PIBF1: variants seen among roughly 807,000 people sequenced by gnomAD.
PIBF1 encodes the protein progesterone-induced-blocking factor 1.
Under a neutral mutation model 112.5 loss-of-function variants are expected in PIBF1, and 90 were observed. The observed-to-expected ratio is 0.80, with a 90% CI of 0.67 to 0.95. The LOEUF (loss-of-function observed/expected upper bound fraction) is 0.95, where lower values mean the gene tolerates loss of function less well. Ranked by LOEUF, PIBF1 falls within the 40% of genes least tolerant of loss-of-function variation. The probability of loss-of-function intolerance (pLI) is 0.00; values close to 1 mark genes in which losing one functional copy is unlikely to be tolerated. For missense variants in PIBF1, 915 were observed against 852.3 expected (o/e 1.07, Z -0.92); for synonymous variants, 301 against 288.6 (o/e 1.04, Z -0.44).
intron 14 of PIBF1, among the ~76,000 whole-genome samples, chr13:72,957,988 G>T (rs1018025310): frequency 6.6e-6 from 1 of 151,670 alleles, no homozygotes; most frequent in Non-Finnish European, 1.5e-5. Flanking sequence ...AAAACAATTA[G>T]CCAGTTGTTG....
At chr13:72,901,090 C>T (rs1276440423) in intron 11 of PIBF1, 11 of 447,576 alleles carry the variant, frequency 2.5e-5, no homozygotes, top group African/African-American at 6.1e-5. Flanking sequence ...AAAGAGCTTT[C>T]GCACAGCAAA....
intron 5 of PIBF1, among the ~76,000 whole-genome samples, chr13:72,809,189 G>A (rs1342357756): frequency 1.7e-5 from 2 of 115,294 alleles, no homozygotes; most frequent in African/African-American, 6.7e-5. Flanking sequence ...TGGAAAATGT[G>A]ATTATTTTTG....
chr13:72,940,586 T>A (rs2041985237), intron 14 of PIBF1, among the ~76,000 whole-genome samples: 1 of 152,224 alleles, frequency 6.6e-6, no homozygotes, highest in South Asian at 2.1e-4. Flanking sequence ...TTGTAAATTT[T>A]ACCTTGATGC....
intron 9 of PIBF1, chr13:72,836,161 T>C (rs1338823797): frequency 2.3e-6 from 1 of 443,820 alleles, no homozygotes; most frequent in East Asian, 7.0e-5. Context: ...GATCAGTAAA[T>C]ATTAGGCTCA....
chr13:72,931,298 A>C (rs1566462606), intron 14 of PIBF1, 31 bp downstream of exon 14: 1 of 1,239,850 alleles, frequency 8.1e-7, no homozygotes, highest in Non-Finnish European at 1.2e-6. Flanking sequence ...CATATGAAGA[A>C]TCACAGTATT....
At chr13:72,903,445 C>G (rs1183903142) in intron 11 of PIBF1, among the ~76,000 whole-genome samples, 2 of 152,120 alleles carry the variant, frequency 1.3e-5, no homozygotes, top group Non-Finnish European at 2.9e-5. Flanking sequence ...CTTCAGGAAA[C>G]TAAGAATTTT....
chr13:72,785,576 C>A (rs374023335), intron 2 of PIBF1, among the ~76,000 whole-genome samples: 4 of 152,194 alleles, frequency 2.6e-5, no homozygotes, highest in African/African-American at 2.4e-5. Flanking sequence ...CAAACACTTT[C>A]TTTTAGGTAC....
intron 10 of PIBF1, among the ~76,000 whole-genome samples, chr13:72,875,102 A>G (rs996045992): frequency 7.9e-5 from 12 of 152,168 alleles, no homozygotes; most frequent in African/African-American, 2.4e-4. Context: ...TTTCATTACT[A>G]TATTATTTTA....
intron 16 of PIBF1, among the ~76,000 whole-genome samples, chr13:72,986,735 C>G (rs1318509256): frequency 7.3e-6 from 1 of 136,858 alleles, no homozygotes; most frequent in South Asian, 2.3e-4. Context: ...CCAGGCCGGA[C>G]TGCGGACTGC....
intron 16 of PIBF1, among the ~76,000 whole-genome samples, chr13:72,974,814 C>CCCAGGAA (rs1295022085): frequency 6.6e-6 from 1 of 152,194 alleles, no homozygotes; most frequent in African/African-American, 2.4e-5. Flanking sequence ...TGGGTAAATA[C>CCCAGGAA]CCAGGAACAT....
At chr13:72,927,121 G>A (rs1465244893) in intron 13 of PIBF1, among the ~76,000 whole-genome samples, 1 of 151,388 alleles carries the variant, frequency 6.6e-6, no homozygotes, top group Non-Finnish European at 1.5e-5. Flanking sequence ...TAGTGCAGTG[G>A]CACGATCTTG....
chr13:72,900,907 A>T (rs2040458828), intron 11 of PIBF1, among the ~76,000 whole-genome samples: 1 of 152,230 alleles, frequency 6.6e-6, no homozygotes, highest in South Asian at 2.1e-4. Context: ...CTGTAATCCC[A>T]GCTACTGGGG....
chr13:72,869,632 T>A (rs1004771302), intron 10 of PIBF1, among the ~76,000 whole-genome samples: 10 of 151,220 alleles, frequency 6.6e-5, no homozygotes, highest in East Asian at 5.8e-4. Flanking sequence ...TAATAAAAAA[T>A]AAATAATAAA....
chr13:72,834,144 A>G (rs1023263749), intron 8 of PIBF1, among the ~76,000 whole-genome samples: 1 of 152,192 alleles, frequency 6.6e-6, no homozygotes, highest in African/African-American at 2.4e-5. Flanking sequence ...TCAGTATGCT[A>G]ACGATTTCCT....
Position 72,877,316 on chromosome 13 carries a change from A to C in PIBF1, c.1323-16468A>C, listed in dbSNP as rs539446839. 5.3e-5 allele frequency among the ~76,000 whole-genome samples: 8 copies of C among 152,222 alleles called. No homozygotes were observed. In the East Asian group the frequency reaches 1.5e-3, roughly 29 times the overall value. On this transcript the variant is annotated intron_variant, in intron 10 of 17. Coordinates refer to ENST00000326291, the MANE Select transcript of PIBF1 (RefSeq NM_006346.4). ...TGTTGAGGGTTTTTGCATCTATATT[A>C]ATGAGAGATGTTGGTCTCTTGGTTT... is the stretch of plus-strand genomic sequence containing the variant.
At chr13:72,793,847 G>T (rs527249758) in intron 3 of PIBF1, among the ~76,000 whole-genome samples, 1 of 152,314 alleles carries the variant, frequency 6.6e-6, no homozygotes, top group African/African-American at 2.4e-5. Flanking sequence ...GGTTTTGTGA[G>T]TAAAAAGCCT....
At chr13:72,895,196 G>A (rs994623954) in intron 11 of PIBF1, among the ~76,000 whole-genome samples, 2 of 151,664 alleles carry the variant, frequency 1.3e-5, no homozygotes, top group African/African-American at 4.8e-5. Context: ...TTAATCTGAT[G>A]AAAGCCAGGA....
intron 16 of PIBF1, among the ~76,000 whole-genome samples, chr13:72,993,180 C>T (rs2043534341): frequency 6.6e-6 from 1 of 151,882 alleles, no homozygotes; most frequent in Non-Finnish European, 1.5e-5. Context: ...AATAATTAGC[C>T]GGGCATGGTT....
At chr13:72,804,954 T>C (rs1362470682) in intron 5 of PIBF1, among the ~76,000 whole-genome samples, 1 of 152,126 alleles carries the variant, frequency 6.6e-6, no homozygotes, top group Non-Finnish European at 1.5e-5. Context: ...GATATATAGC[T>C]GCAACCACCA....
Sources: gnomAD v4.1 joint callset for allele counts (sites outside exome capture counted in the v4.1 genomes callset) on GRCh38, gnomAD v4.1.1 for gene constraint, MANE v1.5 for transcripts, NCBI Gene and HGNC (gene_info 2026-07-23, HGNC 2026-07-21) for gene names.